Variants in CNTN5 observed in about 807,000 individuals in gnomAD.
CNTN5 encodes the protein contactin 5, also known as contactin-5.
In CNTN5, 77 loss-of-function variants were observed where a neutral mutation model predicts 129.1. The ratio of observed to expected loss-of-function variants is 0.60; its 90% confidence interval spans 0.50 to 0.72. CNTN5 has a LOEUF of 0.72. Among genes scored for constraint, CNTN5 ranks in the 30% least tolerant of loss-of-function variants. CNTN5 has a pLI of 0.00. For synonymous variants in CNTN5, 509 were observed against 465.6 expected (o/e 1.09, Z -1.20); for missense variants, 1,478 against 1,328.8 (o/e 1.11, Z -1.75).
chr11:99,587,735 A>C (rs939178862), intron 3 of CNTN5, among the ~76,000 whole-genome samples: 3 of 136,098 alleles, frequency 2.2e-5, no homozygotes, highest in Non-Finnish European at 3.1e-5. Context: ...TGATCAGCTT[A>C]AAAACTAGTA....
chr11:99,417,940 C>T (rs1417884917), intron 2 of CNTN5, among the ~76,000 whole-genome samples: 2 of 152,124 alleles, frequency 1.3e-5, no homozygotes, highest in Non-Finnish European at 2.9e-5. Flanking sequence ...ACGGTGATCT[C>T]TGAGAAGTTA....
chr11:99,523,858 C>A (rs74820548), intron 2 of CNTN5, among the ~76,000 whole-genome samples: 3 of 151,950 alleles, frequency 2.0e-5, no homozygotes, highest in Non-Finnish European at 2.9e-5. Flanking sequence ...CTTTACTGAG[C>A]GCATGCTGAT....
At chr11:99,662,808 A>C (rs1401249018) in intron 3 of CNTN5, among the ~76,000 whole-genome samples, 1 of 152,168 alleles carries the variant, frequency 6.6e-6, no homozygotes, top group Non-Finnish European at 1.5e-5. Context: ...AAAGAATCTC[A>C]GACGCCATCC....
intron 15 of CNTN5, among the ~76,000 whole-genome samples, chr11:100,215,192 T>C (rs1949112656): frequency 6.6e-6 from 1 of 152,200 alleles, no homozygotes; most frequent in South Asian, 2.1e-4. Flanking sequence ...CTGAATGTAG[T>C]ACAATTTTTC....
At chr11:100,135,881 T>C (rs1265636825) in intron 13 of CNTN5, among the ~76,000 whole-genome samples, 1 of 152,162 alleles carries the variant, frequency 6.6e-6, no homozygotes, top group African/African-American at 2.4e-5. Flanking sequence ...TTTTAAATGA[T>C]GGTCCATCAT....
intron 13 of CNTN5, among the ~76,000 whole-genome samples, chr11:100,080,878 T>C (rs1167625233): frequency 6.6e-6 from 1 of 152,194 alleles, no homozygotes; most frequent in Non-Finnish European, 1.5e-5. Flanking sequence ...AATAAAATGA[T>C]TAAATGGCAT....
chr11:99,638,889 C>G (rs587855), intron 3 of CNTN5, among the ~76,000 whole-genome samples: 91,348 of 151,904 alleles, frequency 0.6, 28,301 homozygotes, highest in Admixed American at 0.69. Flanking sequence ...ATCTACTGTT[C>G]TGGGGTCTGG....
chr11:99,891,832 C>T (rs1591373771), intron 6 of CNTN5, among the ~76,000 whole-genome samples: 1 of 152,084 alleles, frequency 6.6e-6, no homozygotes, highest in Non-Finnish European at 1.5e-5. Context: ...TTATAATCCT[C>T]TGGGTATATA....
At chr11:99,365,043 G>T (rs1294863070) in intron 2 of CNTN5, among the ~76,000 whole-genome samples, 3 of 152,058 alleles carry the variant, frequency 2.0e-5, no homozygotes, top group Non-Finnish European at 2.9e-5. Flanking sequence ...CCTAATTAAG[G>T]ATCTAAATTA....
intron 6 of CNTN5, among the ~76,000 whole-genome samples, chr11:99,888,069 C>T (rs1459375651): frequency 6.6e-6 from 1 of 152,186 alleles, no homozygotes; most frequent in Non-Finnish European, 1.5e-5. Context: ...ACAATAGCTT[C>T]TACATCATAA....
At chr11:99,105,906 G>A (rs1866971657) in intron 1 of CNTN5, among the ~76,000 whole-genome samples, 1 of 152,188 alleles carries the variant, frequency 6.6e-6, no homozygotes, top group African/African-American at 2.4e-5. Context: ...TAGACCTGTA[G>A]AGAAAAATAA....
intron 3 of CNTN5, among the ~76,000 whole-genome samples, chr11:99,569,975 T>C (rs1266483985): frequency 1.3e-4 from 19 of 151,936 alleles, no homozygotes; most frequent in Non-Finnish European, 1.5e-5. Flanking sequence ...AATAAAAAAT[T>C]ACTAAAGGCA....
chr11:99,762,325 C>T (rs1944609034), intron 3 of CNTN5, among the ~76,000 whole-genome samples: 1 of 151,678 alleles, frequency 6.6e-6, no homozygotes, highest in African/African-American at 2.4e-5. Context: ...GTGTTTTAGA[C>T]ATGAAGTCCT....
chr11:99,580,314 G>A (rs1331251549), intron 3 of CNTN5, among the ~76,000 whole-genome samples: 8 of 152,050 alleles, frequency 5.3e-5, no homozygotes, highest in Admixed American at 3.3e-4. Context: ...GTCTCTGCTC[G>A]GCTTTGGTAT....
intron 3 of CNTN5, among the ~76,000 whole-genome samples, chr11:99,731,670 C>A (rs957184123): frequency 1.3e-5 from 2 of 152,136 alleles, no homozygotes; most frequent in Admixed American, 6.5e-5. Flanking sequence ...CAGTATCTCA[C>A]CTCCAATTTA....
chr11:99,819,304 C>CTT (rs1946697691), intron 3 of CNTN5, among the ~76,000 whole-genome samples: 1 of 37,414 alleles, frequency 2.7e-5, no homozygotes, highest in Non-Finnish European at 5.6e-5. Flanking sequence ...CCTCCCCTTC[C>CTT]CTCCCCTCTC....
intron 18 of CNTN5, among the ~76,000 whole-genome samples, chr11:100,284,863 T>C (rs1950733046): frequency 6.6e-6 from 1 of 152,208 alleles, no homozygotes; most frequent in Non-Finnish European, 1.5e-5. Context: ...TATGTGTGTA[T>C]GTATCTTTTA....
At chr11:100,032,716 T>G (rs562345239) in intron 9 of CNTN5, among the ~76,000 whole-genome samples, 1 of 152,152 alleles carries the variant, frequency 6.6e-6, no homozygotes, top group Non-Finnish European at 1.5e-5. Context: ...CTGCCCACAT[T>G]TGGGGGAAAG....
At chr11:100,033,453 C>A (rs1424996700) in intron 9 of CNTN5, among the ~76,000 whole-genome samples, 1 of 152,070 alleles carries the variant, frequency 6.6e-6, no homozygotes, top group East Asian at 1.9e-4. Context: ...ATTTGTGACC[C>A]CTTTCAGTCT....
Sources: gnomAD v4.1 joint callset for allele counts (sites outside exome capture counted in the v4.1 genomes callset) on GRCh38, gnomAD v4.1.1 for gene constraint, MANE v1.5 for transcripts, NCBI Gene and HGNC (gene_info 2026-07-23, HGNC 2026-07-21) for gene names.